Variants in RBFOX1 observed in about 807,000 individuals in gnomAD.
RBFOX1 encodes the protein RNA binding protein fox-1 homolog 1.
RBFOX1 carries 8 observed loss-of-function variants against 57.7 expected under a neutral mutation model. The observed-to-expected ratio is 0.14, with a 90% confidence interval of 0.08 to 0.25. The LOEUF (loss-of-function observed/expected upper bound fraction) is 0.25. RBFOX1 is among the 10% of genes least tolerant of loss of function. The pLI, the probability that RBFOX1 is intolerant of heterozygous loss-of-function variation, is 1.00. For synonymous variants in RBFOX1, 326 were observed against 222.4 expected (o/e 1.47, Z -4.15); for missense variants, 611 against 548.5 (o/e 1.11, Z -1.14).
chr16:7,025,784 C>A (rs2040729902), intron 3 of RBFOX1, among the ~76,000 whole-genome samples: 1 of 152,062 alleles, frequency 6.6e-6, no homozygotes. Context: ...AGGAGATGGC[C>A]AGCAGATGGC....
intron 3 of RBFOX1, among the ~76,000 whole-genome samples, chr16:6,859,119 A>ATATATG (rs2058441423): frequency 2.4e-5 from 2 of 82,210 alleles, no homozygotes; most frequent in Non-Finnish European, 2.0e-5. Flanking sequence ...GTGTATATAT[A>ATATATG]TATATATATA....
chr16:7,603,481 A>T (rs1431508385), intron 9 of RBFOX1, among the ~76,000 whole-genome samples: 1 of 152,200 alleles, frequency 6.6e-6, no homozygotes, highest in Non-Finnish European at 1.5e-5. Context: ...CAATGCAGAA[A>T]ATAAAACTGG....
At chr16:6,701,311 C>T (rs1272572870) in intron 3 of RBFOX1, among the ~76,000 whole-genome samples, 1 of 152,208 alleles carries the variant, frequency 6.6e-6, no homozygotes, top group African/African-American at 2.4e-5. Flanking sequence ...TGCCTGCTGA[C>T]GTCACCCCCT....
At chr16:6,123,734 G>A (rs963587144) in intron 1 of RBFOX1, among the ~76,000 whole-genome samples, 1 of 152,092 alleles carries the variant, frequency 6.6e-6, no homozygotes, top group African/African-American at 2.4e-5. Context: ...GCAAAATCCC[G>A]TCTTTACAAA....
At chr16:6,657,186 T>C (rs2098664794) in intron 3 of RBFOX1, among the ~76,000 whole-genome samples, 1 of 151,534 alleles carries the variant, frequency 6.6e-6, no homozygotes, top group Admixed American at 6.6e-5. Context: ...TCTCCTCCTT[T>C]CCTTCCCACT....
intron 4 of RBFOX1, among the ~76,000 whole-genome samples, chr16:7,213,647 A>T (rs1285462849): frequency 6.6e-6 from 1 of 152,094 alleles, no homozygotes; most frequent in Non-Finnish European, 1.5e-5. Context: ...GGATCTTGAG[A>T]TGAGCTATCT....
intron 4 of RBFOX1, among the ~76,000 whole-genome samples, chr16:5,925,922 A>C (rs1026455842): frequency 6.6e-6 from 1 of 152,154 alleles, no homozygotes; most frequent in African/African-American, 2.4e-5. Context: ...GGCCAAGCTT[A>C]TCTCTCCGTA....
At position 7,304,915 on chromosome 16, in the gene RBFOX1, GGTGTGTGTGTGTGTGTGTGTGT is replaced by G. The variant is rs59599069; in HGVS notation, c.28-213209_28-213188del. ...AGGAGAAGTGTGTGGTGTGTGGTGT[GGTGTGTGTGTGTGTGTGTGTGT>G]GTGTGTGTGTGTGTGTGTGTGTTTT... On this transcript the variant is annotated intron_variant, in intron 4 of 15. Transcript: ENST00000550418. Among the ~76,000 whole-genome samples the G allele has an allele frequency of 7.1e-5, 10 of 140,602 alleles. No homozygotes were observed. In the South Asian group the frequency reaches 1.4e-3, roughly 20 times the overall value. 92.2% of individuals were successfully genotyped at this position (140,602 alleles called of 152,430 possible). A position where few individuals can be genotyped will look rare whatever the true frequency, so the allele number is the denominator to read the frequency against.
At chr16:5,941,427 T>C (rs906862010) in intron 4 of RBFOX1, among the ~76,000 whole-genome samples, 8 of 151,600 alleles carry the variant, frequency 5.3e-5, no homozygotes, top group Non-Finnish European at 1.2e-4. Flanking sequence ...GAGTTTGACA[T>C]TGCAGTGAGC....
At chr16:6,835,694 C>T (rs1325854148) in intron 3 of RBFOX1, among the ~76,000 whole-genome samples, 1 of 135,140 alleles carries the variant, frequency 7.4e-6, no homozygotes, top group Non-Finnish European at 1.5e-5. Flanking sequence ...GTAGAGGTTG[C>T]AGTGAACCAA....
intron 2 of RBFOX1, among the ~76,000 whole-genome samples, chr16:6,542,810 C>T (rs562161451): frequency 5.9e-5 from 9 of 152,062 alleles, no homozygotes; most frequent in South Asian, 4.2e-4. Context: ...AGTCTTAAGA[C>T]GCTGGCTCTG....
At chr16:7,063,942 G>T (rs1993896) in intron 4 of RBFOX1, among the ~76,000 whole-genome samples, 2 of 151,990 alleles carry the variant, frequency 1.3e-5, no homozygotes, top group South Asian at 2.1e-4. Context: ...TTTGGTATTC[G>T]CAGGAAGTCT....
At chr16:7,590,634 C>A (rs992907281) in intron 7 of RBFOX1, among the ~76,000 whole-genome samples, 17 of 151,700 alleles carry the variant, frequency 1.1e-4, no homozygotes, top group African/African-American at 4.1e-4. Flanking sequence ...CCGAGGCAGG[C>A]GGATCACCTG....
intron 4 of RBFOX1, among the ~76,000 whole-genome samples, chr16:7,378,708 A>T (rs1055107401): frequency 2.0e-5 from 3 of 152,036 alleles, no homozygotes; most frequent in African/African-American, 7.2e-5. Context: ...TTTTCCCTGC[A>T]TCCGCCAAAC....
At position 6,603,317 on chromosome 16, in the gene RBFOX1, T is replaced by G. The variant is rs118001210; in HGVS notation, c.-63-51286T>G. Among the ~76,000 whole-genome samples, 954 of 152,324 alleles carry G rather than the reference T, an allele frequency of 6.3e-3. 9 individuals are homozygous for G. The highest frequency in any genetic ancestry group is 0.02 in the Middle Eastern group (6 of 294). On this transcript the variant is annotated intron_variant, in intron 2 of 15. Coordinates refer to ENST00000550418, the MANE Select transcript of RBFOX1 (RefSeq NM_018723.4). Reference sequence around the variant, plus strand: ...AGCTTCTGATTTTTTCAAGAGAACCTGGCAGTTGGAGTCTTGTATGAAATA... The same window carrying G: ...AGCTTCTGATTTTTTCAAGAGAACCGGGCAGTTGGAGTCTTGTATGAAATA...
At chr16:6,636,650 G>A (rs571668395) in intron 2 of RBFOX1, among the ~76,000 whole-genome samples, 16 of 150,380 alleles carry the variant, frequency 1.1e-4, no homozygotes, top group South Asian at 6.3e-4. Context: ...TAAACATTGC[G>A]AAATGCCTCA....
At chr16:6,615,931 A>T (rs1405723279) in intron 2 of RBFOX1, among the ~76,000 whole-genome samples, 1 of 152,160 alleles carries the variant, frequency 6.6e-6, no homozygotes, top group African/African-American at 2.4e-5. Flanking sequence ...CTCGGTGCAG[A>T]AACTATCTGT....
At chr16:6,518,404 A>G (rs2153795279) in intron 2 of RBFOX1, among the ~76,000 whole-genome samples, 1 of 152,288 alleles carries the variant, frequency 6.6e-6, no homozygotes. Flanking sequence ...GGGGAAAGAA[A>G]AAGTGCACCA....
chr16:6,074,967 G>T (rs759965348), intron 1 of RBFOX1, among the ~76,000 whole-genome samples: 12 of 152,058 alleles, frequency 7.9e-5, no homozygotes, highest in Non-Finnish European at 1.8e-4. Flanking sequence ...TAAAAGAAGG[G>T]TCTGATTGGA....
Sources: allele counts gnomAD v4.1 joint callset (sites outside exome capture counted in the v4.1 genomes callset), GRCh38; gene constraint gnomAD v4.1.1; transcripts MANE v1.5; gene names NCBI Gene and HGNC (gene_info 2026-07-23, HGNC 2026-07-21).